Variants in RBFOX1 observed in about 807,000 individuals in gnomAD.
RBFOX1 encodes the protein RNA binding protein fox-1 homolog 1.
A neutral mutation model predicts 57.7 loss-of-function variants in RBFOX1; 8 were observed. That is an observed-to-expected ratio of 0.14 (90% CI 0.08 to 0.25). The LOEUF is 0.25. Among genes scored for constraint, RBFOX1 ranks in the 10% least tolerant of loss-of-function variants. The probability of loss-of-function intolerance (pLI) is 1.00; values close to 1 mark genes in which losing one functional copy is unlikely to be tolerated. For missense variants in RBFOX1, 611 were observed against 548.5 expected, an observed-to-expected ratio of 1.11 and a Z score of -1.14; for synonymous variants, 326 against 222.4, an observed-to-expected ratio of 1.47 and a Z score of -4.15.
chr16:6,999,859 G>T (rs1441295574), intron 3 of RBFOX1, among the ~76,000 whole-genome samples: 1 of 152,024 alleles, frequency 6.6e-6, no homozygotes, highest in Non-Finnish European at 1.5e-5. Context: ...ATCACTTGAG[G>T]TCAGGAGTTT....
At chr16:5,846,935 C>T (rs1013894365) in intron 3 of RBFOX1, among the ~76,000 whole-genome samples, 7 of 152,154 alleles carry the variant, frequency 4.6e-5, no homozygotes, top group Admixed American at 1.3e-4. Flanking sequence ...TCAATTAGTG[C>T]ATTTGGGTCC....
At chr16:6,008,434 G>A (rs1292803233) in intron 4 of RBFOX1, among the ~76,000 whole-genome samples, 1 of 152,266 alleles carries the variant, frequency 6.6e-6, no homozygotes, top group Admixed American at 6.5e-5. Context: ...CTTTAGTGGA[G>A]TGGTGTGAAT....
At chr16:7,609,688 A>G (rs1158595795) in intron 10 of RBFOX1, among the ~76,000 whole-genome samples, 1 of 152,218 alleles carries the variant, frequency 6.6e-6, no homozygotes, top group African/African-American at 2.4e-5. Flanking sequence ...CAAAATGCAA[A>G]AAGTTGGTAT....
chr16:7,681,010 C>T (rs145867741), intron 14 of RBFOX1, among the ~76,000 whole-genome samples: 7 of 152,046 alleles, frequency 4.6e-5, no homozygotes, highest in African/African-American at 1.7e-4. Context: ...TTCAAGTGGT[C>T]ACAAACTACA....
chr16:7,250,730 A>G (rs1260382361), intron 4 of RBFOX1, among the ~76,000 whole-genome samples: 5 of 152,174 alleles, frequency 3.3e-5, no homozygotes, highest in African/African-American at 1.2e-4. Flanking sequence ...ATGTGAACGT[A>G]TTTACCAGGG....
At chr16:5,698,062 T>C (rs1403555329) in intron 3 of RBFOX1, among the ~76,000 whole-genome samples, 1 of 152,224 alleles carries the variant, frequency 6.6e-6, no homozygotes, top group African/African-American at 2.4e-5. Flanking sequence ...TTTGAATCGT[T>C]ATTGGATTTT....
intron 4 of RBFOX1, among the ~76,000 whole-genome samples, chr16:7,113,790 G>A (rs960763495): frequency 9.9e-5 from 15 of 151,972 alleles, no homozygotes; most frequent in African/African-American, 3.4e-4. Context: ...TATTGATGAT[G>A]GGCATTAAAG....
At chr16:6,276,331 T>C (rs1346322897) in intron 1 of RBFOX1, among the ~76,000 whole-genome samples, 3 of 152,144 alleles carry the variant, frequency 2.0e-5, no homozygotes, top group Non-Finnish European at 4.4e-5. Context: ...TATGTGTTAG[T>C]TATTGAGAGT....
chr16:5,928,476 T>C (rs1346031303), intron 4 of RBFOX1, among the ~76,000 whole-genome samples: 2 of 152,076 alleles, frequency 1.3e-5, no homozygotes, highest in Non-Finnish European at 2.9e-5. Flanking sequence ...CATCCCACAA[T>C]GTATGGATGT....
At chr16:6,176,019 C>T (rs1378387077) in intron 1 of RBFOX1, among the ~76,000 whole-genome samples, 2 of 152,116 alleles carry the variant, frequency 1.3e-5, no homozygotes, top group African/African-American at 4.8e-5. Context: ...TTCCCACAAG[C>T]TTTCCAGGGG....
At chr16:6,208,830 G>A (rs1301899395) in intron 1 of RBFOX1, among the ~76,000 whole-genome samples, 5 of 152,036 alleles carry the variant, frequency 3.3e-5, no homozygotes, top group African/African-American at 1.2e-4. Context: ...TTCTGTCTTC[G>A]CATGAGGTAT....
At chr16:7,583,691 C>T (rs548017223) in intron 6 of RBFOX1, among the ~76,000 whole-genome samples, 1 of 152,206 alleles carries the variant, frequency 6.6e-6, no homozygotes, top group African/African-American at 2.4e-5. Context: ...AATACAGACC[C>T]TCTTGGCCAG....
At chr16:7,088,940 T>C (rs2060395817) in intron 4 of RBFOX1, among the ~76,000 whole-genome samples, 1 of 152,198 alleles carries the variant, frequency 6.6e-6, no homozygotes. Context: ...CCTGCTCTGG[T>C]TCAACTCAGA....
chr16:7,259,184 G>A (rs977096727), intron 4 of RBFOX1, among the ~76,000 whole-genome samples: 2 of 152,106 alleles, frequency 1.3e-5, no homozygotes, highest in South Asian at 2.1e-4. Context: ...CCACCATCAC[G>A]CTATGAAGTT....
At chr16:5,348,076 C>G (rs1240868506) in intron 1 of RBFOX1, among the ~76,000 whole-genome samples, 2 of 147,408 alleles carry the variant, frequency 1.4e-5, no homozygotes. Context: ...CCCTCTGTAC[C>G]ACTCACTCAC....
chr16:7,302,681 A>T (rs1603606424), intron 4 of RBFOX1, among the ~76,000 whole-genome samples: 2 of 151,620 alleles, frequency 1.3e-5, no homozygotes, highest in African/African-American at 2.4e-5. Flanking sequence ...AATCTATATT[A>T]AAAAAATATG....
At chr16:6,265,552 G>A (rs1332921709) in intron 1 of RBFOX1, among the ~76,000 whole-genome samples, 2 of 152,186 alleles carry the variant, frequency 1.3e-5, no homozygotes, top group East Asian at 1.9e-4. Flanking sequence ...ATGAGCCACT[G>A]TGCCCGGCCA....
intron 3 of RBFOX1, among the ~76,000 whole-genome samples, chr16:5,664,283 C>T (rs2049759283): frequency 6.6e-6 from 1 of 152,212 alleles, no homozygotes; most frequent in Non-Finnish European, 1.5e-5. Context: ...GGCGCAGTGG[C>T]TCACGCCTAT....
At chr16:5,745,293 T>A (rs1023188966) in intron 3 of RBFOX1, among the ~76,000 whole-genome samples, 2 of 152,238 alleles carry the variant, frequency 1.3e-5, no homozygotes, top group African/African-American at 4.8e-5. Flanking sequence ...TATGGCTGCA[T>A]AGTATCCCAT....
Sources: allele counts gnomAD v4.1 joint callset (sites outside exome capture counted in the v4.1 genomes callset), GRCh38; gene constraint gnomAD v4.1.1; transcripts MANE v1.5; gene names NCBI Gene and HGNC (gene_info 2026-07-23, HGNC 2026-07-21).